The following MAPK12 variants were observed in gnomAD, a reference collection of about 807,000 sequenced individuals.
MAPK12 encodes the protein MAP kinase 12.
MAPK12 carries 49 observed loss-of-function variants against 49.1 expected under a neutral mutation model. The ratio of observed to expected loss-of-function variants is 1.00; its 90% CI spans 0.79 to 1.27. The LOEUF (loss-of-function observed/expected upper bound fraction) is 1.27. MAPK12 is among the 50% of genes most tolerant of loss of function. The pLI is 0.00. For synonymous variants in MAPK12, 251 were observed against 209.7 expected (o/e 1.20, Z -1.70); for missense variants, 554 against 502.4 (o/e 1.10, Z -0.98).
In MAPK12 at chr22:50,255,790, G is replaced by A. The variant is rs746007209; in HGVS notation, c.691+20C>T. The A allele has an allele frequency of 1.6e-5, 26 of 1,612,296 alleles. No individual in the cohort carries two copies. In the Admixed American group the frequency reaches 2.7e-4, roughly 17 times the overall value. ...GCCATCCCCACCCGCCCCTGGTGCC[G>A]CCCTGCGGCTGGAGGATACGGTCGC... On this transcript the variant is annotated intron_variant, in intron 8 of 11. Transcript: ENST00000215659.
chr22:50,255,874 G>A lies in MAPK12; in HGVS notation c.627C>T (p.Ile209=), dbSNP rs532716803. 3.1e-6 allele frequency: 5 copies of A among 1,612,632 alleles called. No individual in the cohort carries two copies. The African/African-American group carries it at 6.7e-5, about 21-fold the overall frequency. Residue 209 remains isoleucine (I), a synonymous_variant, in exon 8 of 12, where the codon ATC becomes ATT. Coordinates refer to ENST00000215659, the MANE Select transcript of MAPK12 (RefSeq NM_002969.6). ...NWMRYTQTVD[I]WSVGCIMAEM... ...CCGCCATGATGCAGCCCACAGACCAGATGTCCACTGAGATAGAAGCCCTGG... is the reference window on the plus strand; with the variant it reads ...CCGCCATGATGCAGCCCACAGACCAAATGTCCACTGAGATAGAAGCCCTGG...
chr22:50,255,652 G>A lies in MAPK12; in HGVS notation c.734C>T (p.Pro245Leu), dbSNP rs1289006154. 6.2e-7 allele frequency: 1 copy of A among 1,600,754 alleles called. No homozygotes were observed. The highest frequency in any genetic ancestry group is 1.7e-5 in the Admixed American group (1 of 59,518). The stretch of plus-strand genomic sequence containing the variant: ...CAGCCGCTGCACAAACTCAGCCGGA[G>A]GCGTCCCCGTCACCTTCATGATCTC... Reference protein sequence around the residue: ...LKEIMKVTGTPPAEFVQRLQS... With the variant: ...LKEIMKVTGTLPAEFVQRLQS... The change falls in exon 9 of 12, where the codon CCT (proline) becomes CTT (leucine). Residue 245 changes from proline to leucine, a missense_variant. Transcript: ENST00000215659.
chr22:50,261,200 C>A lies in MAPK12; in HGVS notation c.222G>T (p.Glu74Asp). ...SELFAKRAYR[E>D]LRLLKHMRHE... Reference sequence around the variant, plus strand: ...GGCGCATGTGCTTGAGCAGGCGCAGCTCGCGGTAGGCGCGCTTGGCGAACA... The same window carrying A: ...GGCGCATGTGCTTGAGCAGGCGCAGATCGCGGTAGGCGCGCTTGGCGAACA... The change falls in exon 2 of 12, where the codon GAG becomes GAT. Residue 74 changes from glutamate to aspartate, a missense_variant. By Grantham distance (45) the Glu-to-Asp change is conservative (BLOSUM62 2). Transcript: ENST00000215659. The A allele has an allele frequency of 6.3e-7, 1 of 1,592,804 alleles. No homozygotes were observed. Among genetic ancestry groups the A allele is most frequent in the African/African-American group, 1.4e-5 (1 of 73,446 alleles).
chr22:50,255,942 G>C, intron 7 of MAPK12, 61 bp from the exon 8 acceptor site: 1 of 1,560,040 alleles, frequency 6.4e-7, no homozygotes, highest in Non-Finnish European at 8.8e-7. Flanking sequence ...GGGGAGGGAG[G>C]AGACACCAAC....
rs1359152151 is a variant in MAPK12, at chr22:50,257,041, G to A, written c.426+41C>T. ...AGGGCCCTCCTCTGCCCAGCCCCGA[G>A]GCCCTGCCTGCCTCCCTGCAGCCTC... On this transcript the variant is annotated intron_variant, in intron 4 of 11. Coordinates refer to ENST00000215659, the MANE Select transcript of MAPK12 (RefSeq NM_002969.6). The A allele has an allele frequency of 5.0e-6, 8 of 1,606,084 alleles. No homozygotes were observed. The African/African-American group carries it at 5.3e-5, about 11-fold the overall frequency.
chr22:50,253,508 C>T (rs1482386406), intron 11 of MAPK12, 28 bp from the exon 12 acceptor site: 1 of 929,490 alleles, frequency 1.1e-6, no homozygotes, highest in Non-Finnish European at 1.7e-6. Context: ...GCGGGCACAA[C>T]AGAGAGGGGG....
chr22:50,257,759 C>A (rs2065165125), intron 3 of MAPK12: 1 of 679,020 alleles, frequency 1.5e-6, no homozygotes, highest in Non-Finnish European at 2.7e-6. Context: ...GCCTGCTACC[C>A]TCTCCAGGCC....
chr22:50,256,714 G>A, intron 5 of MAPK12, 68 bp from the exon 6 acceptor site: 2 of 1,552,470 alleles, frequency 1.3e-6, no homozygotes, highest in Non-Finnish European at 1.7e-6. Flanking sequence ...AAGAGCCTGG[G>A]TGGCACCTAA....
Position 50,253,287 on chromosome 22 carries a change from T to C in MAPK12, c.*114A>G, listed in dbSNP as rs2065116909. On this transcript the variant is annotated 3_prime_UTR_variant, in exon 12 of 12. Coordinates refer to ENST00000215659, the MANE Select transcript of MAPK12 (RefSeq NM_002969.6). ...GGGTCCATGGAACCCGGGCGTCTGC[T>C]CTGATGGATGCCTTGGGATGCAAGC... is the stretch of plus-strand genomic sequence containing the variant. The C allele has an allele frequency of 3.8e-6, 3 of 796,346 alleles. No homozygotes were observed. The South Asian group carries it at 4.4e-5, about 12-fold the overall frequency. The allele number at this position is 796,346 out of a possible 1,614,324, so 49.3% of individuals were successfully genotyped here.
intron 2 of MAPK12, among the ~76,000 whole-genome samples, chr22:50,258,564 G>A (rs549445150): frequency 5.9e-5 from 9 of 152,348 alleles, no homozygotes; most frequent in African/African-American, 1.9e-4. Context: ...CTGGGGGAGG[G>A]GCAACCCGGA....
intron 2 of MAPK12, 33 bp downstream of exon 2, chr22:50,261,134 G>C (rs1601647466): frequency 6.5e-7 from 1 of 1,548,276 alleles, no homozygotes; most frequent in South Asian, 1.2e-5. Context: ...CCGAGGCCGC[G>C]GCGCCTTCCC....
At chr22:50,258,081 G>A in intron 3 of MAPK12, 162 bp downstream of exon 3, 2 of 732,574 alleles carry the variant, frequency 2.7e-6, no homozygotes, top group South Asian at 1.5e-5. Context: ...CCATGTGGGG[G>A]AGGGCGTGGG....
At chr22:50,257,225 C>T in intron 3 of MAPK12, 32 bp from the exon 4 acceptor site, 1 of 1,564,232 alleles carries the variant, frequency 6.4e-7, no homozygotes. Context: ...TGTCAGCGGA[C>T]AGAGCCAGCC....
At chr22:50,259,707 A>T (rs1386066960) in intron 2 of MAPK12, among the ~76,000 whole-genome samples, 1 of 151,742 alleles carries the variant, frequency 6.6e-6, no homozygotes, top group East Asian at 1.9e-4. Flanking sequence ...ACATAGTGAA[A>T]CCTCATCTCA....
chr22:50,256,744 G>A (rs767664775), intron 5 of MAPK12, 98 bp from the exon 6 acceptor site: 23 of 1,529,576 alleles, frequency 1.5e-5, no homozygotes, highest in Non-Finnish European at 4.4e-6. Context: ...CACCGGACCT[G>A]GCCCCCTTGC....
At chr22:50,255,079 C>T (rs762880430) in intron 11 of MAPK12, 118 bp downstream of exon 11, 1 of 1,525,134 alleles carries the variant, frequency 6.6e-7, no homozygotes, top group Non-Finnish European at 8.8e-7. Flanking sequence ...CCCGGAGCCC[C>T]CAACTCACGG....
At chr22:50,257,996 G>A (rs1569143229) in intron 3 of MAPK12, 3 of 745,352 alleles carry the variant, frequency 4.0e-6, no homozygotes, top group East Asian at 2.5e-5. Context: ...GCTGGAGAGG[G>A]CCCAGGTGCC....
intron 11 of MAPK12, 141 bp from the exon 12 acceptor site, chr22:50,253,621 G>A (rs1349652823): frequency 1.6e-6 from 1 of 628,484 alleles, no homozygotes; most frequent in African/African-American, 1.8e-5. Flanking sequence ...ACTGAGAGAA[G>A]GTTTGTGTGA....
chr22:50,255,571 C>T (rs779244181), intron 9 of MAPK12, 40 bp from the exon 10 acceptor site: 7 of 1,612,866 alleles, frequency 4.3e-6, no homozygotes, highest in Non-Finnish European at 5.9e-6. Flanking sequence ...CACCAAGGCC[C>T]AGGTCCGCCC....
Sources: gnomAD v4.1 joint callset for allele counts (sites outside exome capture counted in the v4.1 genomes callset) on GRCh38, gnomAD v4.1.1 for gene constraint, MANE v1.5 for transcripts, NCBI Gene and HGNC (gene_info 2026-07-23, HGNC 2026-07-21) for gene names.